TBC1D22A: variants seen among roughly 807,000 people sequenced by gnomAD.
TBC1D22A encodes TBC1 domain family member 22A, also known as putative GTPase activator.
Under a neutral mutation model 60.2 loss-of-function variants are expected in TBC1D22A, and 38 were observed. That is an observed-to-expected ratio of 0.63 (90% CI 0.49 to 0.83). The LOEUF is 0.83. TBC1D22A is among the 40% of genes least tolerant of loss of function. TBC1D22A has a pLI of 0.00. For synonymous variants in TBC1D22A, 302 were observed against 281.7 expected (o/e 1.07, Z -0.72); for missense variants, 628 against 701.0 (o/e 0.90, Z 1.18).
chr22:46,944,619 T>A (rs369580668), intron 8 of TBC1D22A, among the ~76,000 whole-genome samples: 1 of 152,218 alleles, frequency 6.6e-6, no homozygotes, highest in Non-Finnish European at 1.5e-5. Flanking sequence ...AGGATGGTCT[T>A]GATCTCATGA....
At chr22:47,011,527 A>C (rs1168030204) in intron 10 of TBC1D22A, among the ~76,000 whole-genome samples, 3 of 152,268 alleles carry the variant, frequency 2.0e-5, no homozygotes, top group Non-Finnish European at 4.4e-5. Flanking sequence ...CAGTTTCTAG[A>C]GCGGCCTCAG....
At chr22:47,046,627 G>A in intron 11 of TBC1D22A, among the ~76,000 whole-genome samples, 1 of 152,200 alleles carries the variant, frequency 6.6e-6, no homozygotes, top group Admixed American at 6.5e-5. Context: ...GTGGGACTGG[G>A]ATCTGTGGGT....
At chr22:47,082,447 C>G (rs1462121614) in intron 11 of TBC1D22A, among the ~76,000 whole-genome samples, 3 of 152,042 alleles carry the variant, frequency 2.0e-5, no homozygotes, top group Admixed American at 2.0e-4. Flanking sequence ...TCTGAATAGT[C>G]AAAGGACAGA....
intron 11 of TBC1D22A, among the ~76,000 whole-genome samples, chr22:47,066,970 A>G (rs967001085): frequency 6.6e-6 from 1 of 152,114 alleles, no homozygotes; most frequent in African/African-American, 2.4e-5. Flanking sequence ...AGTCCTTTTA[A>G]AAAAACTCAT....
chr22:46,900,895 C>T (rs978891637), intron 7 of TBC1D22A, among the ~76,000 whole-genome samples: 1 of 152,208 alleles, frequency 6.6e-6, no homozygotes, highest in African/African-American at 2.4e-5. Context: ...ATCCTGTTCT[C>T]ACTGCTGATT....
At chr22:47,097,351 C>T (rs930439828) in intron 11 of TBC1D22A, among the ~76,000 whole-genome samples, 6 of 152,246 alleles carry the variant, frequency 3.9e-5, no homozygotes, top group Non-Finnish European at 8.8e-5. Flanking sequence ...CACGGTGACT[C>T]ATGCCTGTAA....
chr22:46,780,502 A>C (rs979900336), intron 1 of TBC1D22A, among the ~76,000 whole-genome samples: 7 of 151,980 alleles, frequency 4.6e-5, no homozygotes, highest in African/African-American at 1.7e-4. Flanking sequence ...CTTGGTGTAG[A>C]GGCTTCAAAT....
Position 46,825,516 on chromosome 22 carries a change from C to T in TBC1D22A, c.637+27896C>T, listed in dbSNP as rs945906743. Among the ~76,000 whole-genome samples, 10 of 152,212 alleles carry T rather than the reference C, an allele frequency of 6.6e-5. 1 individual carries two copies. The highest frequency in any genetic ancestry group is 3.9e-4 in the Admixed American group (6 of 15,288). ...TGAGACAGAGTCTCACTCTATCACCCGGGCTGGAGTGCAGTGGCACGATCT... is the reference window on the plus strand; with the variant it reads ...TGAGACAGAGTCTCACTCTATCACCTGGGCTGGAGTGCAGTGGCACGATCT... On this transcript the variant is annotated intron_variant, in intron 4 of 12. Transcript: ENST00000337137.
chr22:47,169,847 C>G (rs999020800), intron 12 of TBC1D22A, among the ~76,000 whole-genome samples: 1 of 152,236 alleles, frequency 6.6e-6, no homozygotes, highest in Non-Finnish European at 1.5e-5. Context: ...AATGAAAATG[C>G]AAGTGCCGTC....
At chr22:46,921,751 G>T (rs540278244) in intron 8 of TBC1D22A, among the ~76,000 whole-genome samples, 1 of 145,174 alleles carries the variant, frequency 6.9e-6, no homozygotes, top group East Asian at 2.0e-4. Context: ...CACAGCATCT[G>T]TTTTTTTTTT....
At chr22:47,049,059 A>G (rs141076593) in intron 11 of TBC1D22A, among the ~76,000 whole-genome samples, 2,055 of 152,092 alleles carry the variant, frequency 0.014, 20 homozygotes, top group Middle Eastern at 0.034. Flanking sequence ...TTCCAGTCCA[A>G]TTTTCTGTGA....
chr22:47,172,924 G>A (rs531105873), intron 12 of TBC1D22A, among the ~76,000 whole-genome samples: 112 of 152,364 alleles, frequency 7.4e-4, no homozygotes, highest in Non-Finnish European at 1.2e-3. Context: ...TGATCCCCTC[G>A]TGTGGGCTTC....
intron 11 of TBC1D22A, among the ~76,000 whole-genome samples, chr22:47,069,176 G>A (rs111404256): frequency 0.021 from 3,198 of 152,300 alleles, 41 homozygotes; most frequent in Non-Finnish European, 0.033. Context: ...GTTTGCAAAA[G>A]CAAGTTTTTA....
intron 5 of TBC1D22A, among the ~76,000 whole-genome samples, chr22:46,880,099 A>G (rs1355109278): frequency 6.6e-6 from 1 of 152,144 alleles, no homozygotes. Flanking sequence ...TAGAAAGTTT[A>G]TTTTGCCAAG....
At chr22:46,883,526 C>A (rs768856455) in intron 5 of TBC1D22A, among the ~76,000 whole-genome samples, 1 of 152,024 alleles carries the variant, frequency 6.6e-6, no homozygotes, top group Non-Finnish European at 1.5e-5. Flanking sequence ...GCCTGCATTC[C>A]GATGATGACG....
chr22:46,826,987 T>C (rs1486348173), intron 4 of TBC1D22A, among the ~76,000 whole-genome samples: 2 of 152,090 alleles, frequency 1.3e-5, no homozygotes, highest in South Asian at 4.2e-4. Flanking sequence ...CTGTAAAATC[T>C]GTTTTTCTTC....
chr22:47,164,842 T>C lies in TBC1D22A; in HGVS notation c.1426-8656T>C, dbSNP rs749403256. On this transcript the variant is annotated intron_variant, in intron 12 of 12. Transcript: ENST00000337137. ...ACGTCACGGAAGCGGATACTTCATG[T>C]TGAATATGGATTCAGACCCTGCAGC... Among the ~76,000 whole-genome samples the C allele has an allele frequency of 2.0e-5, 3 of 152,326 alleles. No individual in the cohort carries two copies. In the South Asian group the frequency reaches 6.2e-4, roughly 32 times the overall value.
At chr22:47,172,819 A>G (rs2068538384) in intron 12 of TBC1D22A, among the ~76,000 whole-genome samples, 1 of 152,186 alleles carries the variant, frequency 6.6e-6, no homozygotes, top group South Asian at 2.1e-4. Flanking sequence ...CCTGCACCCC[A>G]ACCCACTGGT....
intron 11 of TBC1D22A, among the ~76,000 whole-genome samples, chr22:47,083,111 C>G (rs775098536): frequency 6.6e-6 from 1 of 152,116 alleles, no homozygotes; most frequent in African/African-American, 2.4e-5. Flanking sequence ...CTAGAACTGA[C>G]GAAAACTAAT....
Sources: allele counts gnomAD v4.1 joint callset (sites outside exome capture counted in the v4.1 genomes callset), GRCh38; gene constraint gnomAD v4.1.1; transcripts MANE v1.5; gene names NCBI Gene and HGNC (gene_info 2026-07-23, HGNC 2026-07-21).